PDE8A: variants seen among roughly 807,000 people sequenced by gnomAD.
The protein encoded by PDE8A is phosphodiesterase 8A.
In PDE8A, 59 loss-of-function variants were observed where a neutral mutation model predicts 105.0. The ratio of observed to expected loss-of-function variants is 0.56; its 90% confidence interval spans 0.46 to 0.70. The LOEUF is 0.70. PDE8A is among the 30% of genes least tolerant of loss of function. The pLI is 0.00. For missense variants in PDE8A, 1,014 were observed against 1,045.9 expected (o/e 0.97, Z 0.42); for synonymous variants, 355 against 371.9 (o/e 0.95, Z 0.52).
chr15:84,982,437 C>A, intron 1 of PDE8A, 89 bp downstream of exon 1: 3 of 808,930 alleles, frequency 3.7e-6, no homozygotes, highest in Non-Finnish European at 5.1e-6. Context: ...GGGGTCCCCC[C>A]CACCCGGCCT....
chr15:84,993,367 C>T (rs1488900146), intron 1 of PDE8A, among the ~76,000 whole-genome samples: 5 of 141,800 alleles, frequency 3.5e-5, no homozygotes, highest in Non-Finnish European at 3.0e-5. Context: ...GGCATGAACC[C>T]AGGAGGCAGA....
At chr15:85,043,757 G>A (rs561533103) in intron 1 of PDE8A, among the ~76,000 whole-genome samples, 98 of 152,106 alleles carry the variant, frequency 6.4e-4, no homozygotes, top group Non-Finnish European at 9.4e-4. Flanking sequence ...GAGTGCAGTC[G>A]TGTGATCTTG....
chr15:85,086,457 A>C (rs1280783278), intron 6 of PDE8A, among the ~76,000 whole-genome samples: 2 of 152,230 alleles, frequency 1.3e-5, no homozygotes, highest in African/African-American at 2.4e-5. Flanking sequence ...TATCCTCATA[A>C]ATACATGAAG....
intron 3 of PDE8A, among the ~76,000 whole-genome samples, chr15:85,069,851 T>C (rs577181143): frequency 7.2e-5 from 11 of 152,252 alleles, no homozygotes; most frequent in African/African-American, 2.6e-4. Context: ...TCTTGTTGGG[T>C]GAGGATTTGG....
chr15:85,135,639 C>A (rs762459144), intron 20 of PDE8A, among the ~76,000 whole-genome samples: 5 of 152,170 alleles, frequency 3.3e-5, no homozygotes, highest in Admixed American at 2.0e-4. Context: ...ACAGGGGCTT[C>A]TAAAGAATGC....
In PDE8A at chr15:84,982,193, G is replaced by A. The variant is rs756522177; in HGVS notation, c.31G>A (p.Glu11Lys). 1.3e-6 allele frequency: 2 copies of A among 1,483,588 alleles called. No individual in the cohort carries two copies. Among genetic ancestry groups the A allele is most frequent in the Non-Finnish European group, 1.8e-6 (2 of 1,126,676 alleles). The allele number at this position is 1,483,588 out of a possible 1,614,324, so 91.9% of individuals were successfully genotyped here. Residue 11 changes from glutamate to lysine, a missense_variant, in exon 1 of 22, where the codon GAG (glutamate) becomes AAG (lysine). Transcript: ENST00000394553. MGCAPSIHIS[E>K]RLVAEDAPSP... ...CTGTGCCCCGAGCATCCACATTTCCGAGCGCCTGGTGGCCGAGGACGCGCC... is the reference window on the plus strand; with the variant it reads ...CTGTGCCCCGAGCATCCACATTTCCAAGCGCCTGGTGGCCGAGGACGCGCC...
intron 1 of PDE8A, among the ~76,000 whole-genome samples, chr15:85,002,311 C>T (rs1222349978): frequency 1.3e-5 from 2 of 152,152 alleles, no homozygotes; most frequent in Non-Finnish European, 2.9e-5. Flanking sequence ...GACTGGCTCA[C>T]AGTTTACTTA....
In PDE8A at chr15:85,059,732, C is replaced by T. The variant is rs78207648; in HGVS notation, c.187-4638C>T. Among the ~76,000 whole-genome samples the T allele has an allele frequency of 2.9e-3, 447 of 152,168 alleles. 2 individuals carry two copies. The highest frequency in any genetic ancestry group is 0.01 in the African/African-American group (430 of 41,498). ...GATCTAAAGTGAATGTCTTATAGAC[C>T]ACATATAGATGGGTTCATTCTGCCA... On this transcript the variant is annotated intron_variant, in intron 1 of 21. Coordinates refer to ENST00000394553, the MANE Select transcript of PDE8A (RefSeq NM_002605.3).
chr15:85,117,792 G>C lies in PDE8A; in HGVS notation c.1687G>C (p.Asp563His). ...NPYHNSTHSA[D>H]VLHATAYFLS... ...CTACCACAATTCTACACATTCTGCTGATGTGCTTCATGCCACTGCCTATTT... is the reference window on the plus strand; with the variant it reads ...CTACCACAATTCTACACATTCTGCTCATGTGCTTCATGCCACTGCCTATTT... Residue 563 changes from aspartate (D) to histidine (H), a missense_variant, in exon 17 of 22, where the codon GAT becomes CAT. Transcript: ENST00000394553. 3 of 1,614,038 alleles carry C rather than the reference G, an allele frequency of 1.9e-6. No individual in the cohort carries two copies. The highest frequency in any genetic ancestry group is 3.3e-5 in the Admixed American group (2 of 60,028).
intron 1 of PDE8A, among the ~76,000 whole-genome samples, chr15:84,986,435 C>T (rs979649278): frequency 6.6e-6 from 1 of 151,996 alleles, no homozygotes; most frequent in Non-Finnish European, 1.5e-5. Context: ...CATCACCTCC[C>T]GTCCCACTTC....
At chr15:85,017,703 A>G (rs897728067) in intron 1 of PDE8A, among the ~76,000 whole-genome samples, 1 of 152,020 alleles carries the variant, frequency 6.6e-6, no homozygotes, top group Non-Finnish European at 1.5e-5. Flanking sequence ...CCTGGCCAAC[A>G]TGGTGAAACC....
chr15:85,062,456 A>C (rs1474646677), intron 1 of PDE8A: 1 of 152,244 alleles, frequency 6.6e-6, no homozygotes, highest in African/African-American at 2.4e-5. Flanking sequence ...TAAAAGAGAA[A>C]AATGAAAGGA....
chr15:85,107,387 TG>T (rs2081962244), intron 11 of PDE8A, among the ~76,000 whole-genome samples: 1 of 152,200 alleles, frequency 6.6e-6, no homozygotes, highest in Non-Finnish European at 1.5e-5. Context: ...TTGAGAGATC[TG>T]GTTGGATTTT....
chr15:85,086,891 C>A (rs963655436), intron 6 of PDE8A, among the ~76,000 whole-genome samples: 2 of 152,010 alleles, frequency 1.3e-5, no homozygotes, highest in South Asian at 2.1e-4. Flanking sequence ...GCTGGTATTA[C>A]AGAGGTATGT....
At chr15:85,051,516 T>G (rs2080972357) in intron 1 of PDE8A, among the ~76,000 whole-genome samples, 1 of 152,168 alleles carries the variant, frequency 6.6e-6, no homozygotes, top group Admixed American at 6.5e-5. Flanking sequence ...ATGTGCAGGT[T>G]TGTTACATAG....
intron 1 of PDE8A, among the ~76,000 whole-genome samples, chr15:84,999,908 A>G (rs943756339): frequency 2.0e-5 from 3 of 152,200 alleles, no homozygotes; most frequent in African/African-American, 4.8e-5. Context: ...TCACAAGACC[A>G]CAGGCTTGCC....
intron 8 of PDE8A, among the ~76,000 whole-genome samples, chr15:85,094,509 C>G (rs568914921): frequency 6.6e-6 from 1 of 152,330 alleles, no homozygotes; most frequent in East Asian, 1.9e-4. Flanking sequence ...GTGTCAGCCT[C>G]TTTTCCAAGG....
chr15:85,009,557 A>G (rs8035204), intron 1 of PDE8A, among the ~76,000 whole-genome samples: 2 of 152,226 alleles, frequency 1.3e-5, no homozygotes, highest in Non-Finnish European at 2.9e-5. Context: ...AGAAGGGACT[A>G]TTGGCCATTG....
chr15:85,117,919 A>G (rs1256780176), intron 17 of PDE8A, 80 bp downstream of exon 17: 16 of 1,112,274 alleles, frequency 1.4e-5, no homozygotes, highest in South Asian at 5.0e-5. Context: ...ACTAAGATAC[A>G]TAGCATGACT....
Sources: gnomAD v4.1 joint callset for allele counts (sites outside exome capture counted in the v4.1 genomes callset) on GRCh38, gnomAD v4.1.1 for gene constraint, MANE v1.5 for transcripts, NCBI Gene and HGNC (gene_info 2026-07-23, HGNC 2026-07-21) for gene names.